Variants in KDM4C observed in about 807,000 individuals in gnomAD.
KDM4C encodes lysine-specific demethylase 4C.
A neutral mutation model predicts 129.3 loss-of-function variants in KDM4C; 81 were observed. That is an observed-to-expected ratio of 0.63 (90% CI 0.52 to 0.75). KDM4C has a LOEUF of 0.75. Among genes scored for constraint, KDM4C ranks in the 30% least tolerant of loss-of-function variants. KDM4C has a pLI of 0.00. For synonymous variants in KDM4C, 573 were observed against 456.1 expected, an observed-to-expected ratio of 1.26 and a Z score of -3.26; for missense variants, 1,457 against 1,304.0, an observed-to-expected ratio of 1.12 and a Z score of -1.81.
chr9:6,804,107 G>A (rs937043752), intron 2 of KDM4C, among the ~76,000 whole-genome samples: 2 of 152,222 alleles, frequency 1.3e-5, no homozygotes, highest in Non-Finnish European at 2.9e-5. Flanking sequence ...ACAGGTGTGA[G>A]CCACTACGGC....
intron 13 of KDM4C, among the ~76,000 whole-genome samples, chr9:7,012,762 A>ATGC (rs1822944784): frequency 6.6e-6 from 1 of 152,216 alleles, no homozygotes; most frequent in African/African-American, 2.4e-5. Flanking sequence ...GGGTGGAACT[A>ATGC]TGTGGTTCAT....
chr9:7,034,576 A>G (rs549939482), intron 15 of KDM4C, among the ~76,000 whole-genome samples: 1 of 152,216 alleles, frequency 6.6e-6, no homozygotes, highest in East Asian at 1.9e-4. Flanking sequence ...TTCATCTTTC[A>G]TTGGATACCT....
chr9:6,865,595 C>CT (rs1484810155), intron 5 of KDM4C, among the ~76,000 whole-genome samples: 1 of 152,064 alleles, frequency 6.6e-6, no homozygotes, highest in African/African-American at 2.4e-5. Flanking sequence ...GAGACAGAGT[C>CT]TTGGTCTATC....
rs963336644 is a variant in KDM4C, at chr9:7,174,835, G to A, written c.*106G>A. 3.2e-6 allele frequency: 3 copies of A among 945,560 alleles called. No individual in the cohort carries two copies. The highest frequency in any genetic ancestry group is 1.6e-5 in the African/African-American group (1 of 61,258). The allele number at this position is 945,560 out of a possible 1,614,324, so 58.6% of individuals were successfully genotyped here. ...GAGTTTTGCTGGCATAGGTGACAGGGTGTGTCTCTGACAGTGGTAAATCGG... is the reference window on the plus strand; with the variant it reads ...GAGTTTTGCTGGCATAGGTGACAGGATGTGTCTCTGACAGTGGTAAATCGG... On this transcript the variant is annotated 3_prime_UTR_variant, in exon 22 of 22. Coordinates refer to ENST00000381309, the MANE Select transcript of KDM4C (RefSeq NM_015061.6).
intron 18 of KDM4C, among the ~76,000 whole-genome samples, chr9:7,112,026 G>A (rs1029609113): frequency 9.9e-5 from 15 of 151,982 alleles, no homozygotes; most frequent in African/African-American, 3.4e-4. Context: ...GGGTGCAAAC[G>A]TGTTACCCAA....
intron 4 of KDM4C, among the ~76,000 whole-genome samples, chr9:6,828,629 G>C (rs1195475391): frequency 1.3e-5 from 2 of 152,104 alleles, no homozygotes; most frequent in African/African-American, 4.8e-5. Flanking sequence ...CCAGTACTTT[G>C]GGAGGCTGAG....
At chr9:6,724,742 G>T (rs1202819746) in intron 1 of KDM4C, among the ~76,000 whole-genome samples, 1 of 152,074 alleles carries the variant, frequency 6.6e-6, no homozygotes, top group African/African-American at 2.4e-5. Context: ...TGTTGTACAG[G>T]ATGATCTCGA....
At position 7,002,341 on chromosome 9, in the gene KDM4C, T is replaced by C. The variant is rs61160688; in HGVS notation, c.1787-9357T>C. On this transcript the variant is annotated intron_variant, in intron 12 of 21. Coordinates refer to ENST00000381309, the MANE Select transcript of KDM4C (RefSeq NM_015061.6). ...TTAATTGTAAATTGACAATTTATAA[T>C]TGTATAAATTTATGGGGTACAAAAT... Among the ~76,000 whole-genome samples the C allele has an allele frequency of 6.4e-3, 976 of 152,338 alleles. 83 individuals are homozygous for C. The East Asian group carries it at 0.15, about 24-fold the overall frequency.
intron 15 of KDM4C, among the ~76,000 whole-genome samples, chr9:7,026,530 C>T (rs1032730920): frequency 3.4e-4 from 51 of 151,706 alleles, no homozygotes; most frequent in African/African-American, 1.2e-3. Context: ...TCCCCTTGAC[C>T]TTTGGGAGTT....
intron 1 of KDM4C, among the ~76,000 whole-genome samples, chr9:6,744,429 G>A (rs1052424910): frequency 6.6e-6 from 1 of 152,130 alleles, no homozygotes; most frequent in Non-Finnish European, 1.5e-5. Context: ...AGAGGCTGAG[G>A]CAGGAGAATT....
At chr9:6,775,389 A>G (rs748437139) in intron 1 of KDM4C, among the ~76,000 whole-genome samples, 21 of 152,002 alleles carry the variant, frequency 1.4e-4, no homozygotes, top group Non-Finnish European at 2.6e-4. Context: ...GGGTGAATAT[A>G]TTGTGATTCA....
At chr9:6,942,767 T>C (rs909732295) in intron 8 of KDM4C, 2 of 152,230 alleles carry the variant, frequency 1.3e-5, no homozygotes, top group Non-Finnish European at 2.9e-5. Context: ...TTTACCTTGA[T>C]GTTTTATATA....
chr9:7,055,032 C>T (rs921976947), intron 17 of KDM4C, among the ~76,000 whole-genome samples: 7 of 152,006 alleles, frequency 4.6e-5, no homozygotes, highest in Non-Finnish European at 8.8e-5. Flanking sequence ...CAAAAATTAG[C>T]CGGGTGTGGG....
chr9:6,990,337 T>C (rs1818498545), intron 11 of KDM4C, 79 bp from the exon 12 acceptor site: 3 of 919,478 alleles, frequency 3.3e-6, no homozygotes, highest in African/African-American at 1.7e-5. Context: ...TGATAAATAA[T>C]TGTGAACTGT....
chr9:6,960,568 G>A (rs1829867776), intron 8 of KDM4C, among the ~76,000 whole-genome samples: 1 of 152,130 alleles, frequency 6.6e-6, no homozygotes, highest in South Asian at 2.1e-4. Flanking sequence ...CTATAAAAAG[G>A]AAGCTCTTTA....
Position 7,044,362 on chromosome 9 carries a change from G to A in KDM4C, c.2260-2500G>A, listed in dbSNP as rs117686437. Among the ~76,000 whole-genome samples, 481 of 152,068 alleles carry A rather than the reference G, an allele frequency of 3.2e-3. 6 individuals are homozygous for A. The highest frequency in any genetic ancestry group is 2.4e-3 in the Non-Finnish European group (162 of 67,922). On this transcript the variant is annotated intron_variant, in intron 15 of 21. Coordinates refer to ENST00000381309, the MANE Select transcript of KDM4C (RefSeq NM_015061.6). ...CCAAGACCAAGACCTGATGATTCTA[G>A]CCCTCTGAGGCCATATTAGGTACTG...
At chr9:6,796,011 G>C (rs1371208783) in intron 2 of KDM4C, among the ~76,000 whole-genome samples, 2 of 152,188 alleles carry the variant, frequency 1.3e-5, no homozygotes, top group Non-Finnish European at 2.9e-5. Flanking sequence ...ATATTAAGTT[G>C]AGTGAAAATT....
intron 5 of KDM4C, among the ~76,000 whole-genome samples, chr9:6,869,753 A>T (rs1588840879): frequency 6.6e-6 from 1 of 152,198 alleles, no homozygotes; most frequent in South Asian, 2.1e-4. Flanking sequence ...ACCTGAACTC[A>T]TGAAGGCAGC....
intron 17 of KDM4C, among the ~76,000 whole-genome samples, chr9:7,100,783 CT>C (rs906656557): frequency 6.7e-6 from 1 of 149,354 alleles, no homozygotes; most frequent in African/African-American, 2.5e-5. Context: ...CTTTTCTTTT[CT>C]TTTTTTTATT....
Sources: gnomAD v4.1 joint callset for allele counts (sites outside exome capture counted in the v4.1 genomes callset) on GRCh38, gnomAD v4.1.1 for gene constraint, MANE v1.5 for transcripts, NCBI Gene and HGNC (gene_info 2026-07-23, HGNC 2026-07-21) for gene names.